Variants in L3MBTL3 observed in about 807,000 individuals in gnomAD.
L3MBTL3 encodes lethal(3)malignant brain tumor-like protein 3.
Under a neutral mutation model 102.3 loss-of-function variants are expected in L3MBTL3, and 27 were observed. The observed-to-expected ratio is 0.26, with a 90% CI of 0.19 to 0.36. L3MBTL3 has a LOEUF of 0.36. L3MBTL3 is among the 10% of genes least tolerant of loss of function. The probability of loss-of-function intolerance (pLI) is 1.00; values close to 1 mark genes in which losing one functional copy is unlikely to be tolerated. For missense variants in L3MBTL3, 798 were observed against 955.3 expected (o/e 0.84, Z 2.17); for synonymous variants, 340 against 320.9 (o/e 1.06, Z -0.64).
intron 2 of L3MBTL3, among the ~76,000 whole-genome samples, chr6:130,040,749 G>T (rs976744073): frequency 2.0e-5 from 3 of 152,168 alleles, no homozygotes; most frequent in Non-Finnish European, 4.4e-5. Context: ...AGTGAAAAAG[G>T]CATTCCGTTA....
intron 2 of L3MBTL3, among the ~76,000 whole-genome samples, chr6:130,036,899 G>A (rs59084494): frequency 0.48 from 73,476 of 151,990 alleles, 20,655 homozygotes; most frequent in East Asian, 0.76. Context: ...AAGATTAAAC[G>A]ATGGTTAACA....
At chr6:130,063,099 G>A (rs1004462271) in intron 10 of L3MBTL3, among the ~76,000 whole-genome samples, 4 of 151,088 alleles carry the variant, frequency 2.6e-5, no homozygotes, top group Non-Finnish European at 5.9e-5. Context: ...GGAAGATTCA[G>A]AGAAGAGGCC....
At chr6:130,090,902 T>C (rs920279099) in intron 16 of L3MBTL3, among the ~76,000 whole-genome samples, 4 of 152,120 alleles carry the variant, frequency 2.6e-5, no homozygotes, top group African/African-American at 9.7e-5. Flanking sequence ...TTTATTGTCT[T>C]TTCATATATT....
rs370978103 is a variant in L3MBTL3 at position 130,120,868 on chromosome 6, G to A, written c.1887-11G>A. 63 of 1,602,166 alleles carry A rather than the reference G, an allele frequency of 3.9e-5. No homozygotes were observed. The highest frequency in any genetic ancestry group is 5.1e-5 in the Non-Finnish European group (60 of 1,171,534). ...TCTCTTATAAAATATTGAAATGCCT[G>A]TTTTTCTTAGAGACCAGCATGCTGA... On this transcript the variant is annotated splice_polypyrimidine_tract_variant and intron_variant, in intron 19 of 22. Coordinates refer to ENST00000361794, the MANE Select transcript of L3MBTL3 (RefSeq NM_032438.4).
chr6:130,127,420 C>T (rs1049116666), intron 20 of L3MBTL3, among the ~76,000 whole-genome samples: 7 of 152,064 alleles, frequency 4.6e-5, no homozygotes, highest in African/African-American at 9.7e-5. Flanking sequence ...CATGCCAAAG[C>T]GCCACATTTT....
At chr6:130,136,863 T>A (rs1432272372) in intron 22 of L3MBTL3, among the ~76,000 whole-genome samples, 1 of 152,134 alleles carries the variant, frequency 6.6e-6, no homozygotes, top group African/African-American at 2.4e-5. Flanking sequence ...AGTGATCCAC[T>A]GACTTCAGCC....
intron 19 of L3MBTL3, among the ~76,000 whole-genome samples, chr6:130,107,475 C>T (rs1459864655): frequency 6.6e-6 from 1 of 152,080 alleles, no homozygotes; most frequent in African/African-American, 2.4e-5. Context: ...TGCCTTAAAA[C>T]CTAGAGGTAG....
intron 20 of L3MBTL3, among the ~76,000 whole-genome samples, chr6:130,128,862 AT>A (rs1337761222): frequency 2.6e-5 from 4 of 152,176 alleles, no homozygotes; most frequent in Non-Finnish European, 5.9e-5. Flanking sequence ...AATGGGAGAC[AT>A]TCTTTTATCT....
intron 14 of L3MBTL3, among the ~76,000 whole-genome samples, chr6:130,079,340 C>A (rs1783163215): frequency 6.6e-6 from 1 of 152,178 alleles, no homozygotes; most frequent in South Asian, 2.1e-4. Context: ...TGCTCTCTGC[C>A]TCTAGTCATA....
chr6:130,082,016 C>T (rs535832983), intron 14 of L3MBTL3, among the ~76,000 whole-genome samples: 5 of 152,244 alleles, frequency 3.3e-5, no homozygotes, highest in East Asian at 3.9e-4. Flanking sequence ...CATGATCATA[C>T]GAAGACTGTG....
chr6:130,075,992 C>T (rs1017089884), intron 13 of L3MBTL3, among the ~76,000 whole-genome samples: 3 of 152,076 alleles, frequency 2.0e-5, no homozygotes, highest in African/African-American at 7.2e-5. Context: ...TAGAATTGGA[C>T]ATGAATTAGG....
intron 19 of L3MBTL3, among the ~76,000 whole-genome samples, chr6:130,115,736 A>G (rs915243): frequency 0.95 from 144,508 of 152,296 alleles, 68,894 homozygotes; most frequent in Middle Eastern, 1. Flanking sequence ...TTTATTAAAA[A>G]CCAAAAGTAT....
At chr6:130,062,415 G>A (rs942423005) in intron 10 of L3MBTL3, among the ~76,000 whole-genome samples, 4 of 150,214 alleles carry the variant, frequency 2.7e-5, no homozygotes, top group African/African-American at 7.4e-5. Flanking sequence ...GACAGGGTCC[G>A]TCTCTGTAAC....
At chr6:130,072,399 T>G (rs1202604409) in intron 13 of L3MBTL3, among the ~76,000 whole-genome samples, 2 of 152,202 alleles carry the variant, frequency 1.3e-5, no homozygotes, top group Non-Finnish European at 2.9e-5. Flanking sequence ...TAGATATTGG[T>G]GTCCACAGGG....
chr6:130,044,947 G>A (rs1780636311), intron 3 of L3MBTL3, among the ~76,000 whole-genome samples: 1 of 152,000 alleles, frequency 6.6e-6, no homozygotes, highest in Admixed American at 6.6e-5. Flanking sequence ...GTTTCAGTGG[G>A]TAGAGGCATC....
chr6:130,072,290 G>C (rs1367440387), intron 13 of L3MBTL3, among the ~76,000 whole-genome samples: 1 of 151,970 alleles, frequency 6.6e-6, no homozygotes, highest in African/African-American at 2.4e-5. Context: ...CAGTAATCTA[G>C]AAATGATTTA....
intron 3 of L3MBTL3, among the ~76,000 whole-genome samples, chr6:130,048,372 A>G (rs1780855566): frequency 6.6e-6 from 1 of 152,220 alleles, no homozygotes; most frequent in Non-Finnish European, 1.5e-5. Flanking sequence ...AACAGAAGGA[A>G]TACAGAAAAC....
chr6:130,051,243 T>C lies in L3MBTL3; in HGVS notation c.290-6T>C. The C allele has an allele frequency of 6.2e-7, 1 of 1,603,346 alleles. No homozygotes were observed. Among genetic ancestry groups the C allele is most frequent in the Non-Finnish European group, 8.5e-7 (1 of 1,174,118 alleles). On this transcript the variant is annotated splice_region_variant and splice_polypyrimidine_tract_variant and intron_variant, in intron 5 of 22. Coordinates refer to ENST00000361794, the MANE Select transcript of L3MBTL3 (RefSeq NM_032438.4). ...GTAATTTGCATTTCTTCTTTTCATC[T>C]TCTAGTCTTTTCAGAGAAGACTGGG...
At chr6:130,119,431 T>C (rs1007543200) in intron 19 of L3MBTL3, among the ~76,000 whole-genome samples, 2 of 152,228 alleles carry the variant, frequency 1.3e-5, no homozygotes, top group Admixed American at 6.5e-5. Context: ...AATTTTAACA[T>C]GTTGTAATTA....
Sources: allele counts gnomAD v4.1 joint callset (sites outside exome capture counted in the v4.1 genomes callset), GRCh38; gene constraint gnomAD v4.1.1; transcripts MANE v1.5; gene names NCBI Gene and HGNC (gene_info 2026-07-23, HGNC 2026-07-21).